SLC25A15: variants seen among roughly 807,000 people sequenced by gnomAD.
The protein encoded by SLC25A15 is mitochondrial ornithine transporter 1.
SLC25A15 carries 24 observed loss-of-function variants against 32.3 expected under a neutral mutation model. That is an observed-to-expected ratio of 0.74 (90% confidence interval 0.54 to 1.04). SLC25A15 has a LOEUF of 1.04. SLC25A15 is among the 50% of genes least tolerant of loss of function. SLC25A15 has a pLI of 0.00. For synonymous variants in SLC25A15, 132 were observed against 142.1 expected (o/e 0.93, Z 0.51); for missense variants, 317 against 374.5 (o/e 0.85, Z 1.27).
chr13:40,789,964 G>A (rs946199383), intron 1 of SLC25A15, among the ~76,000 whole-genome samples: 1 of 152,222 alleles, frequency 6.6e-6, no homozygotes, highest in Non-Finnish European at 1.5e-5. Flanking sequence ...GGAGCCGCTT[G>A]TGAATGGAGA....
intron 1 of SLC25A15, among the ~76,000 whole-genome samples, chr13:40,790,382 C>T (rs188366373): frequency 1.3e-5 from 2 of 152,154 alleles, no homozygotes. Context: ...TGAAAAGATT[C>T]TTTTTTCTAT....
chr13:40,796,652 T>C (rs1030805376), intron 2 of SLC25A15, among the ~76,000 whole-genome samples: 1 of 152,194 alleles, frequency 6.6e-6, no homozygotes, highest in African/African-American at 2.4e-5. Context: ...GTTAAACCTT[T>C]ACGATGGCCT....
chr13:40,799,514 T>A (rs1881801480), intron 3 of SLC25A15, among the ~76,000 whole-genome samples, 199 bp downstream of exon 3: 1 of 152,134 alleles, frequency 6.6e-6, no homozygotes, highest in Non-Finnish European at 1.5e-5. Context: ...AAAAAAAATC[T>A]ACTGTTGTAT....
intron 2 of SLC25A15, among the ~76,000 whole-genome samples, chr13:40,797,993 G>A (rs775436187): frequency 2.0e-5 from 3 of 152,152 alleles, no homozygotes; most frequent in Non-Finnish European, 4.4e-5. Flanking sequence ...TTACTAAAAT[G>A]ATTTCACGTG....
Position 40,807,348 on chromosome 13 carries a change from C to T in SLC25A15, c.507C>T (p.Phe169=), listed in dbSNP as rs774986959. Residue 169 remains phenylalanine, a synonymous_variant, in exon 5 of 7, where the codon TTC becomes TTT. Transcript: ENST00000338625. ...TTAGGAAAGATGGCCCCTTGGGGTT[C>T]TACCATGGACTCTCAAGCACTTTAC... is the stretch of plus-strand genomic sequence containing the variant. ...SILRKDGPLG[F]YHGLSSTLLR... 2 of 1,614,090 alleles carry T rather than the reference C, an allele frequency of 1.2e-6. No individual in the cohort carries two copies. The highest frequency in any genetic ancestry group is 1.7e-6 in the Non-Finnish European group (2 of 1,179,958).
intron 4 of SLC25A15, among the ~76,000 whole-genome samples, chr13:40,806,857 C>A (rs1371126849): frequency 6.6e-6 from 1 of 152,230 alleles, no homozygotes; most frequent in Admixed American, 6.5e-5. Context: ...TCTCCCGCAT[C>A]CCTGGTGCTC....
rs1248946152 is a variant in SLC25A15 at position 40,811,413 on chromosome 13, C to T, written c.*1746C>T. On this transcript the variant is annotated 3_prime_UTR_variant, in exon 7 of 7. Transcript: ENST00000338625. ...CTGAGGCAGGAGAATCGCTTGAACC[C>T]GGGAGGCAGAGGTTGCAGTGAACTG... Among the ~76,000 whole-genome samples the T allele has an allele frequency of 1.3e-5, 2 of 151,946 alleles. No homozygotes were observed. The highest frequency in any genetic ancestry group is 1.3e-4 in the Admixed American group (2 of 15,262).
At chr13:40,805,920 G>A (rs1430083674) in intron 4 of SLC25A15, among the ~76,000 whole-genome samples, 4 of 152,184 alleles carry the variant, frequency 2.6e-5, no homozygotes, top group Non-Finnish European at 5.9e-5. Flanking sequence ...CTTATTAATT[G>A]CAAAACTTGC....
chr13:40,796,178 A>T (rs865869513), intron 2 of SLC25A15, among the ~76,000 whole-genome samples: 1 of 152,178 alleles, frequency 6.6e-6, no homozygotes, highest in South Asian at 2.1e-4. Flanking sequence ...GCCCGAGGTG[A>T]TGTGGATGGA....
At chr13:40,804,189 G>C (rs1030744254) in intron 3 of SLC25A15, among the ~76,000 whole-genome samples, 4 of 152,144 alleles carry the variant, frequency 2.6e-5, no homozygotes, top group Admixed American at 6.5e-5. Flanking sequence ...ATATGGCAGA[G>C]AGTGAGCGAG....
rs1332262004 is a variant in SLC25A15, at chr13:40,795,388, G to A, written c.55+2107G>A. On this transcript the variant is annotated intron_variant, in intron 2 of 6. Transcript: ENST00000338625. The stretch of plus-strand genomic sequence containing the variant: ...CTATTTATGTGCATACAGGTATTTG[G>A]GTACCACATTTATAATTTACAAGTT... Among the ~76,000 whole-genome samples the A allele has an allele frequency of 3.3e-5, 5 of 152,128 alleles. No homozygotes were observed. In the East Asian group the frequency reaches 9.6e-4, roughly 29 times the overall value.
intron 2 of SLC25A15, 136 bp from the exon 3 acceptor site, chr13:40,798,921 C>T (rs1373161082): frequency 6.3e-6 from 10 of 1,583,468 alleles, no homozygotes; most frequent in Non-Finnish European, 8.5e-6. Context: ...CTGGACATGG[C>T]TGGAAGGTTT....
rs151116788 is a variant in SLC25A15, at chr13:40,796,691, C to T, written c.56-2366C>T. Among the ~76,000 whole-genome samples, 1,421 of 152,256 alleles carry T rather than the reference C, an allele frequency of 9.3e-3. 14 individuals are homozygous for T. Among genetic ancestry groups the T allele is most frequent in the Non-Finnish European group, 0.013 (916 of 68,012 alleles). ...GAGGGGTTTGAGGGTCTCACCTCTGCTTGGTGGGCCTGGTCCTGTGGTGTG... is the reference window on the plus strand; with the variant it reads ...GAGGGGTTTGAGGGTCTCACCTCTGTTTGGTGGGCCTGGTCCTGTGGTGTG... On this transcript the variant is annotated intron_variant, in intron 2 of 6. Coordinates refer to ENST00000338625, the MANE Select transcript of SLC25A15 (RefSeq NM_014252.4).
intron 5 of SLC25A15, among the ~76,000 whole-genome samples, chr13:40,808,141 G>T (rs1882272233): frequency 6.6e-6 from 1 of 152,226 alleles, no homozygotes; most frequent in African/African-American, 2.4e-5. Flanking sequence ...CTCAGCTGGA[G>T]GCCTGCTGGT....
Position 40,802,723 on chromosome 13 carries a change from C to T in SLC25A15, c.315-2395C>T, listed in dbSNP as rs113292223. On this transcript the variant is annotated intron_variant, in intron 3 of 6. Coordinates refer to ENST00000338625, the MANE Select transcript of SLC25A15 (RefSeq NM_014252.4). ...CCGAGTAGCTGGGACTACAGGCGCC[C>T]ACCACCATGCCCAGCTAATTTTTGT... Among the ~76,000 whole-genome samples the T allele has an allele frequency of 7.3e-3, 1,114 of 152,124 alleles. 16 individuals are homozygous for T. Among genetic ancestry groups the T allele is most frequent in the African/African-American group, 0.025 (1,052 of 41,482 alleles).
chr13:40,806,793 C>T (rs1198076273), intron 4 of SLC25A15, among the ~76,000 whole-genome samples: 2 of 152,188 alleles, frequency 1.3e-5, no homozygotes, highest in African/African-American at 4.8e-5. Flanking sequence ...GGGAGTCAGA[C>T]AAAGAGTGTC....
chr13:40,792,763 A>C (rs1881556094), intron 1 of SLC25A15, among the ~76,000 whole-genome samples: 1 of 152,044 alleles, frequency 6.6e-6, no homozygotes, highest in Non-Finnish European at 1.5e-5. Context: ...GTCTTGTGAG[A>C]TCCCCTTAGG....
In SLC25A15 at chr13:40,810,830, A is replaced by G. The variant is rs749156194; in HGVS notation, c.*1163A>G. On this transcript the variant is annotated 3_prime_UTR_variant, in exon 7 of 7. Transcript: ENST00000338625. The stretch of plus-strand genomic sequence containing the variant: ...TGCTCTGATGAAGACCCATGTGGCT[A>G]GCAACAGCGCTTACCTTTTGTCTCT... The G allele has an allele frequency of 3.7e-6, 2 of 534,698 alleles. No homozygotes were observed. The highest frequency in any genetic ancestry group is 7.7e-6 in the Non-Finnish European group (2 of 260,108). 33.1% of individuals were successfully genotyped at this position (534,698 alleles called of 1,614,324 possible).
intron 2 of SLC25A15, among the ~76,000 whole-genome samples, chr13:40,797,343 A>G (rs1881699576): frequency 6.6e-6 from 1 of 152,248 alleles, no homozygotes; most frequent in Admixed American, 6.5e-5. Context: ...GTGCTGAATT[A>G]AATGCTTTAT....
Sources: gnomAD v4.1 joint callset for allele counts (sites outside exome capture counted in the v4.1 genomes callset) on GRCh38, gnomAD v4.1.1 for gene constraint, MANE v1.5 for transcripts, NCBI Gene and HGNC (gene_info 2026-07-23, HGNC 2026-07-21) for gene names.